The following ZFHX3 variants were observed in gnomAD, a reference collection of about 807,000 sequenced individuals.
The protein encoded by ZFHX3 is zinc finger homeobox protein 3.
Under a neutral mutation model 279.1 loss-of-function variants are expected in ZFHX3, and 42 were observed. The ratio of observed to expected loss-of-function variants is 0.15; its 90% confidence interval spans 0.12 to 0.19. The LOEUF (loss-of-function observed/expected upper bound fraction) is 0.19. ZFHX3 is among the 10% of genes least tolerant of loss of function. ZFHX3 has a pLI of 1.00. For missense variants in ZFHX3, 4,981 were observed against 4,754.0 expected (o/e 1.05, Z -1.40); for synonymous variants, 2,293 against 1,957.8 (o/e 1.17, Z -4.52).
intron 3 of ZFHX3, among the ~76,000 whole-genome samples, chr16:72,913,047 C>T (rs2039358491): frequency 6.6e-6 from 1 of 152,102 alleles, no homozygotes; most frequent in South Asian, 2.1e-4. Context: ...GTAAAACAGG[C>T]CTGGTTTTTG....
intron 2 of ZFHX3, among the ~76,000 whole-genome samples, chr16:73,545,540 T>C (rs142442357): frequency 4.6e-5 from 7 of 152,292 alleles, no homozygotes; most frequent in Non-Finnish European, 7.3e-5. Flanking sequence ...GGATAATTTA[T>C]TGGCCGCACA....
intron 1 of ZFHX3, among the ~76,000 whole-genome samples, chr16:73,026,695 A>AAAAAAAATAAAT (rs55862025): frequency 6.8e-6 from 1 of 147,800 alleles, no homozygotes. Flanking sequence ...AAAAAAAAAA[A>AAAAAAAATAAAT]CACATAGTAA....
At chr16:72,834,036 C>T (rs943584331) in intron 4 of ZFHX3, among the ~76,000 whole-genome samples, 1 of 152,132 alleles carries the variant, frequency 6.6e-6, no homozygotes, top group African/African-American at 2.4e-5. Context: ...TGCTTGAACT[C>T]AGGAGTTTGA....
intron 1 of ZFHX3, among the ~76,000 whole-genome samples, chr16:73,817,867 CCT>C (rs1257632797): frequency 6.6e-6 from 1 of 152,162 alleles, no homozygotes; most frequent in Admixed American, 6.5e-5. Flanking sequence ...GAGCCCAGCA[CCT>C]ATTTATGAGT....
At chr16:73,301,763 T>C (rs950743977) in intron 4 of ZFHX3, among the ~76,000 whole-genome samples, 1 of 151,984 alleles carries the variant, frequency 6.6e-6, no homozygotes, top group Non-Finnish European at 1.5e-5. Flanking sequence ...TCCAGCTTTT[T>C]TTTTTTTTTT....
intron 2 of ZFHX3, among the ~76,000 whole-genome samples, chr16:73,544,813 T>C (rs2020081889): frequency 6.6e-6 from 1 of 152,088 alleles, no homozygotes; most frequent in African/African-American, 2.4e-5. Flanking sequence ...TTCTTCTGGG[T>C]TCCCCGGCCG....
chr16:73,452,641 C>T (rs796730373), intron 3 of ZFHX3, among the ~76,000 whole-genome samples: 6 of 152,314 alleles, frequency 3.9e-5, no homozygotes, highest in African/African-American at 1.4e-4. Context: ...AAAACCATTC[C>T]TACTCCCAAA....
intron 5 of ZFHX3, among the ~76,000 whole-genome samples, chr16:73,202,936 G>A (rs971055216): frequency 3.2e-5 from 3 of 94,184 alleles, no homozygotes; most frequent in Admixed American, 1.3e-4. Context: ...TTGCCTCCAC[G>A]CCTTGACATA....
At chr16:73,777,288 G>T (rs1160528600) in intron 1 of ZFHX3, among the ~76,000 whole-genome samples, 2 of 152,024 alleles carry the variant, frequency 1.3e-5, no homozygotes, top group African/African-American at 2.4e-5. Context: ...AGGATCATGA[G>T]GTCAGGAGTT....
At chr16:73,205,766 A>G (rs919464949) in intron 5 of ZFHX3, among the ~76,000 whole-genome samples, 1 of 152,218 alleles carries the variant, frequency 6.6e-6, no homozygotes, top group South Asian at 2.1e-4. Flanking sequence ...ATCATTCTAA[A>G]AGAGATCATT....
intron 2 of ZFHX3, among the ~76,000 whole-genome samples, chr16:73,540,685 A>T (rs190456406): frequency 1.3e-5 from 2 of 152,332 alleles, no homozygotes; most frequent in Admixed American, 1.3e-4. Context: ...TCTGAAAATC[A>T]TCTCATTGTC....
intron 1 of ZFHX3, among the ~76,000 whole-genome samples, chr16:73,726,979 GA>G (rs2053524517): frequency 6.6e-6 from 1 of 152,134 alleles, no homozygotes; most frequent in Non-Finnish European, 1.5e-5. Context: ...ATTCCCTGGG[GA>G]GAGGGCAAAA....
chr16:73,238,951 G>A (rs1049579660), intron 5 of ZFHX3, among the ~76,000 whole-genome samples: 4 of 152,000 alleles, frequency 2.6e-5, no homozygotes, highest in African/African-American at 4.8e-5. Flanking sequence ...GCTGGGTTAC[G>A]TGCTACTGCA....
chr16:73,596,002 ATTTTATTTTATTTTATTTTATTTTATT>A lies in ZFHX3; in HGVS notation c.-1547+84151_-1547+84177del, dbSNP rs1016969293. Among the ~76,000 whole-genome samples, 9 of 121,802 alleles carry A rather than the reference ATTTTATTTTATTTTATTTTATTTTATT, an allele frequency of 7.4e-5. No homozygotes were observed. The South Asian group carries it at 1.9e-3, about 26-fold the overall frequency. 79.9% of individuals were successfully genotyped at this position (121,802 alleles called of 152,430 possible). A position where few individuals can be genotyped will look rare whatever the true frequency, so the allele number is the denominator to read the frequency against. On this transcript the variant is annotated intron_variant, in intron 2 of 17. Transcript: ENST00000641206. ...TTTTTATTTTATTTTATTTTATTTT[ATTTTATTTTATTTTATTTTATTTTATT>A]TTATTTTTTGAGACAGAGTCTGGCT... is the stretch of plus-strand genomic sequence containing the variant.
chr16:73,846,462 G>A (rs1961450266), intron 1 of ZFHX3, among the ~76,000 whole-genome samples: 1 of 152,158 alleles, frequency 6.6e-6, no homozygotes. Flanking sequence ...ACTGTATCAA[G>A]CTGTGACTCT....
chr16:73,851,573 T>C (rs1442514004), intron 1 of ZFHX3, among the ~76,000 whole-genome samples: 1 of 152,154 alleles, frequency 6.6e-6, no homozygotes, highest in Non-Finnish European at 1.5e-5. Context: ...CGTATAAAAA[T>C]TGCAACGTGG....
At chr16:73,574,474 T>C (rs1041119590) in intron 2 of ZFHX3, among the ~76,000 whole-genome samples, 1 of 152,188 alleles carries the variant, frequency 6.6e-6, no homozygotes, top group Admixed American at 6.5e-5. Flanking sequence ...GTACTTCAGA[T>C]CTTCTAAATC....
chr16:73,688,084 C>T (rs1242870429), intron 1 of ZFHX3, among the ~76,000 whole-genome samples: 2 of 151,964 alleles, frequency 1.3e-5, no homozygotes, highest in Non-Finnish European at 2.9e-5. Flanking sequence ...AGCCTGGGCA[C>T]AGTGGCTCAT....
chr16:73,168,268 T>TTTCTTTCTTTC lies in ZFHX3; in HGVS notation c.-1103-24448_-1103-24438dup, dbSNP rs1423778646. 2.0e-5 allele frequency among the ~76,000 whole-genome samples: 3 copies of TTTCTTTCTTTC among 150,416 alleles called. No individual in the cohort carries two copies. The East Asian group carries it at 5.9e-4, about 29-fold the overall frequency. ...CTTTCTTTCTTTCTTTCTTTCTTTC[T>TTTCTTTCTTTC]TTCTTTCTTTCGAGACAAAGTCTCA... On this transcript the variant is annotated intron_variant, in intron 5 of 17. Transcript: ENST00000641206.
Sources: gnomAD v4.1 joint callset for allele counts (sites outside exome capture counted in the v4.1 genomes callset) on GRCh38, gnomAD v4.1.1 for gene constraint, MANE v1.5 for transcripts, NCBI Gene and HGNC (gene_info 2026-07-23, HGNC 2026-07-21) for gene names.